The following ACAP3 variants were observed in gnomAD, a reference collection of about 807,000 sequenced individuals.
ACAP3 encodes ArfGAP with coiled-coil, ankyrin repeat and PH domains 3, also known as arf-GAP with coiled-coil, ANK repeat and PH domain-containing protein 3.
ACAP3 carries 56 observed loss-of-function variants against 104.1 expected under a neutral mutation model. The ratio of observed to expected loss-of-function variants is 0.54; its 90% CI spans 0.43 to 0.67. The LOEUF (loss-of-function observed/expected upper bound fraction) is 0.67. Among genes scored for constraint, ACAP3 ranks in the 30% least tolerant of loss-of-function variants. ACAP3 has a pLI of 0.00. For synonymous variants in ACAP3, 628 were observed against 496.2 expected, an observed-to-expected ratio of 1.27 and a Z score of -3.53; for missense variants, 1,208 against 1,174.9, an observed-to-expected ratio of 1.03 and a Z score of -0.41.
At chr1:1,306,315 A>C (rs1233130406) in intron 1 of ACAP3, among the ~76,000 whole-genome samples, 1 of 151,946 alleles carries the variant, frequency 6.6e-6, no homozygotes, top group South Asian at 2.1e-4. Flanking sequence ...GAGGAGGTCC[A>C]TTAGGCTTCT....
Position 1,292,671 on chromosome 1 carries a change from T to C in ACAP3, c.*893A>G, listed in dbSNP as rs1301109218. 1 of 152,122 alleles carries C rather than the reference T, an allele frequency of 6.6e-6. No homozygotes were observed. The highest frequency in any genetic ancestry group is 1.5e-5 in the Non-Finnish European group (1 of 68,078). 9.4% of individuals were successfully genotyped at this position (152,122 alleles called of 1,614,324 possible). A position where few individuals can be genotyped will look rare whatever the true frequency, so the allele number is the denominator to read the frequency against. On this transcript the variant is annotated 3_prime_UTR_variant, in exon 24 of 24. Transcript: ENST00000354700. ...GCCCTGCCTCCCTGCCGGGCACCTT[T>C]GGGGAAGGGGTGCGTGAAGGCATTG...
At position 1,293,664 on chromosome 1, in the gene ACAP3, G is replaced by A. The variant is rs1476518625; in HGVS notation, c.2405C>T (p.Ala802Val). The A allele has an allele frequency of 2.0e-6, 3 of 1,465,354 alleles. No individual in the cohort carries two copies. The highest frequency in any genetic ancestry group is 8.9e-7 in the Non-Finnish European group (1 of 1,118,726). 90.8% of individuals were successfully genotyped at this position (1,465,354 alleles called of 1,614,324 possible). ...RMAEEMREAE[A>V]APGPPGALAG... ...CAGGGCGCCCGGGGGACCAGGGGCA[G>A]CCTCGGCCTCGCGCATTTCCTCCGC... The change falls in exon 24 of 24, where the codon GCT becomes GTT. Residue 802 changes from alanine to valine, a missense_variant. By Grantham distance (64) the Ala-to-Val change is moderately conservative. Coordinates refer to ENST00000354700, the MANE Select transcript of ACAP3 (RefSeq NM_030649.3).
intron 5 of ACAP3, 69 bp downstream of exon 5, chr1:1,301,919 G>T: frequency 7.0e-7 from 1 of 1,432,002 alleles, no homozygotes; most frequent in South Asian, 1.4e-5. Context: ...CTCTGCCCCA[G>T]ACCCCCTTCC....
At chr1:1,295,375 A>T in intron 19 of ACAP3, 72 bp downstream of exon 19, 1 of 1,421,110 alleles carries the variant, frequency 7.0e-7, no homozygotes, top group Non-Finnish European at 9.8e-7. Flanking sequence ...AGGGCCATCC[A>T]CACTCAGGCA....
chr1:1,304,095 T>A lies in ACAP3; in HGVS notation c.96A>T (p.Lys32Asn). Residue 32 changes from lysine to asparagine, a missense_variant, in exon 2 of 24, where the codon AAA becomes AAT. By Grantham distance (94) the Lys-to-Asn change is moderately conservative (BLOSUM62 0). Transcript: ENST00000354700. ...VETDVVEIEA[K>N]LDKLVKLCSG... Reference sequence around the variant, plus strand: ...CAGGCCCGCCCTTCACCTTGTCCAGTTTGGCCTCAATCTCCACCACGTCCG... The same window carrying A: ...CAGGCCCGCCCTTCACCTTGTCCAGATTGGCCTCAATCTCCACCACGTCCG... 1 of 1,550,660 alleles carries A rather than the reference T, an allele frequency of 6.4e-7. No homozygotes were observed. Among genetic ancestry groups the A allele is most frequent in the Non-Finnish European group, 8.7e-7 (1 of 1,146,850 alleles).
Position 1,303,863 on chromosome 1 carries a change from C to T in ACAP3, c.105+223G>A. 1 of 619,216 alleles carries T rather than the reference C, an allele frequency of 1.6e-6. No individual in the cohort carries two copies. Among genetic ancestry groups the T allele is most frequent in the Middle Eastern group, 4.1e-4 (1 of 2,442 alleles). 38.4% of individuals were successfully genotyped at this position (619,216 alleles called of 1,614,324 possible). A position where few individuals can be genotyped will look rare whatever the true frequency, so the allele number is the denominator to read the frequency against. On this transcript the variant is annotated intron_variant, in intron 2 of 23. Transcript: ENST00000354700. The surrounding 1 kb of genome is among the most constrained non-coding windows in gnomAD (Gnocchi z 4.0). ...GGGTCGGGGACTCACCACAGCCCAG[C>T]CCCTCCCAGATGGGACGAGACTCAG... is the stretch of plus-strand genomic sequence containing the variant.
chr1:1,307,071 C>T (rs375473217), intron 1 of ACAP3: 13 of 839,722 alleles, frequency 1.5e-5, no homozygotes, highest in African/African-American at 5.3e-5. Flanking sequence ...CAGGTGCGCA[C>T]TTGGGGATGC....
rs903567522 is a variant in ACAP3 at position 1,300,181 on chromosome 1, T to C, written c.544A>G (p.Lys182Glu). 6.2e-7 allele frequency: 1 copy of C among 1,610,042 alleles called. No homozygotes were observed. The highest frequency in any genetic ancestry group is 1.3e-5 in the African/African-American group (1 of 74,978). The change falls in exon 7 of 24, where the codon AAG becomes GAG. Residue 182 changes from lysine (K) to glutamate (E), a missense_variant. By Grantham distance (56) the Lys-to-Glu change is moderately conservative. Coordinates refer to ENST00000354700, the MANE Select transcript of ACAP3 (RefSeq NM_030649.3). ...ACAGAGTCCAGGATCTCAAACTTCT[T>C]CTTGGCCTGCAGAACATTGATCTGC... ...VLQINVLQAK[K>E]KFEILDSMLS...
rs574123687 is a variant in ACAP3, at chr1:1,292,571, A to C, written c.*993T>G. The C allele has an allele frequency of 6.6e-6, 1 of 152,568 alleles. No individual in the cohort carries two copies. The highest frequency in any genetic ancestry group is 2.1e-4 in the South Asian group (1 of 4,840). 9.5% of individuals were successfully genotyped at this position (152,568 alleles called of 1,614,324 possible). A position where few individuals can be genotyped will look rare whatever the true frequency, so the allele number is the denominator to read the frequency against. On this transcript the variant is annotated 3_prime_UTR_variant, in exon 24 of 24. Transcript: ENST00000354700. ...CGGGTCCAGCGCCCACTGTGCCCTCAGGGAGCCTCCCCAGGGCAGCATTGC... is the reference window on the plus strand; with the variant it reads ...CGGGTCCAGCGCCCACTGTGCCCTCCGGGAGCCTCCCCAGGGCAGCATTGC...
rs755590296 is a variant in ACAP3, at chr1:1,295,776, CCGGACCTTG to C, written c.1656_1664del (p.Lys553_Arg555del). ...CCACACAGGGCAGAACGGGCTCAAG[CCGGACCTTG>C]CGGCGGGCAGTGGGAGCGCGGGGAG... On this transcript the variant is annotated inframe_deletion, in exon 18 of 24. Coordinates refer to ENST00000354700, the MANE Select transcript of ACAP3 (RefSeq NM_030649.3). The C allele has an allele frequency of 3.7e-6, 6 of 1,608,062 alleles. No individual in the cohort carries two copies. Among genetic ancestry groups the C allele is most frequent in the Non-Finnish European group, 5.1e-6 (6 of 1,179,590 alleles).
At position 1,295,566 on chromosome 1, in the gene ACAP3, G is replaced by C; in HGVS notation, c.1706-12C>G. The C allele has an allele frequency of 6.2e-7, 1 of 1,609,794 alleles. No homozygotes were observed. The highest frequency in any genetic ancestry group is 1.1e-5 in the South Asian group (1 of 90,930). On this transcript the variant is annotated splice_polypyrimidine_tract_variant and intron_variant, in intron 18 of 23. Transcript: ENST00000354700. ...ATCCAGGGTGCCCACTGCAGGGGCA[G>C]TGCGTGTTCAGAGTGTGGAACAGGC...
In ACAP3 at chr1:1,304,142, C is replaced by T; in HGVS notation, c.49G>A (p.Ala17Thr). 1 of 1,550,630 alleles carries T rather than the reference C, an allele frequency of 6.4e-7. No homozygotes were observed. Among genetic ancestry groups the T allele is most frequent in the Non-Finnish European group, 8.7e-7 (1 of 1,146,862 alleles). ...TCCGTCTCCACCTCGTCAATGGTCG[C>T]CCTAAAGCAAGAACGGGGCTGGCTG... ...ECVKDSPRFR[A>T]TIDEVETDVV... The change falls in exon 2 of 24, where the codon GCG becomes ACG. Residue 17 changes from alanine to threonine, a missense_variant and splice_region_variant. Coordinates refer to ENST00000354700, the MANE Select transcript of ACAP3 (RefSeq NM_030649.3).
chr1:1,307,275 C>T (rs1355002721), intron 1 of ACAP3: 3 of 1,288,502 alleles, frequency 2.3e-6, no homozygotes, highest in South Asian at 2.5e-5. Flanking sequence ...CCGCTCTTCT[C>T]GGCCGCCACC....
Position 1,303,108 on chromosome 1 carries a change from C to T in ACAP3, c.225+54G>A. On this transcript the variant is annotated intron_variant, in intron 3 of 23. Coordinates refer to ENST00000354700, the MANE Select transcript of ACAP3 (RefSeq NM_030649.3). This position sits in a 1 kb window ranked among gnomAD's most constrained non-coding sequence, Gnocchi z 4.0. ...CTGGACGCCCTCAAGGGGCTGCCTC[C>T]CTCGGCCTCTCCCCCAACCCCACCT... The T allele has an allele frequency of 6.4e-7, 1 of 1,562,376 alleles. No homozygotes were observed. Among genetic ancestry groups the T allele is most frequent in the Non-Finnish European group, 8.7e-7 (1 of 1,153,430 alleles).
At chr1:1,304,330 C>T (rs1316110829) in intron 1 of ACAP3, 187 bp from the exon 2 acceptor site, 1 of 685,048 alleles carries the variant, frequency 1.5e-6, no homozygotes, top group South Asian at 1.9e-5. Context: ...CCCCCCGCCC[C>T]CCCAACCCCA....
chr1:1,295,840 C>T lies in ACAP3; in HGVS notation c.1601G>A (p.Arg534Lys), dbSNP rs1171728895. 1.9e-6 allele frequency: 3 copies of T among 1,611,372 alleles called. No individual in the cohort carries two copies. The highest frequency in any genetic ancestry group is 2.5e-6 in the Non-Finnish European group (3 of 1,179,972). The part of the protein sequence containing the change: ...APALEAPRRW[R>K]VQKCLRPHSS... The stretch of plus-strand genomic sequence containing the variant: ...GTGGGGCCGCAGGCACTTCTGCACC[C>T]TCCAGCGTCTTGGGGCCTCCAGGGC... The change falls in exon 18 of 24, where the codon AGG becomes AAG. Residue 534 changes from arginine (R) to lysine (K), a missense_variant. Physicochemically the swap from Arg to Lys is conservative, Grantham distance 26. Coordinates refer to ENST00000354700, the MANE Select transcript of ACAP3 (RefSeq NM_030649.3).
chr1:1,298,982 C>T (rs1010079499), intron 10 of ACAP3: 3 of 554,706 alleles, frequency 5.4e-6, no homozygotes, highest in Non-Finnish European at 9.5e-6. Context: ...TGCGCCCCCA[C>T]CCTCCGCATC....
intron 1 of ACAP3, chr1:1,305,846 G>A (rs1641669511): frequency 6.6e-6 from 1 of 152,388 alleles, no homozygotes; most frequent in East Asian, 1.9e-4. Flanking sequence ...CTGCACCTGG[G>A]CTGCCACTAG....
At position 1,307,917 on chromosome 1, in the gene ACAP3, G is replaced by A. The variant is rs1641817422; in HGVS notation, c.-102C>T. The A allele has an allele frequency of 3.1e-6, 2 of 637,444 alleles. No individual in the cohort carries two copies. The highest frequency in any genetic ancestry group is 3.9e-6 in the Non-Finnish European group (2 of 515,808). 39.5% of individuals were successfully genotyped at this position (637,444 alleles called of 1,614,324 possible). On this transcript the variant is annotated 5_prime_UTR_variant, in exon 1 of 24. Coordinates refer to ENST00000354700, the MANE Select transcript of ACAP3 (RefSeq NM_030649.3). ...TCCCGCCCGCGCCGCCTCGGCGCCC[G>A]CCCGCCCCGGAATGAGGCCGCCGCG... is the stretch of plus-strand genomic sequence containing the variant.
Sources: gnomAD v4.1 joint callset for allele counts (sites outside exome capture counted in the v4.1 genomes callset) on GRCh38, gnomAD v4.1.1 for gene constraint, Gnocchi (gnomAD v3.1) non-coding constraint, MANE v1.5 for transcripts, NCBI Gene and HGNC (gene_info 2026-07-23, HGNC 2026-07-21) for gene names.